Variants in GRM3 observed in about 807,000 individuals in gnomAD.
The protein encoded by GRM3 is glutamate metabotropic receptor 3.
A neutral mutation model predicts 70.5 loss-of-function variants in GRM3; 26 were observed. The observed-to-expected ratio is 0.37, with a 90% CI of 0.27 to 0.51. The LOEUF (loss-of-function observed/expected upper bound fraction) is 0.51, where lower values mean the gene tolerates loss of function less well. Ranked by LOEUF, GRM3 falls within the 20% of genes least tolerant of loss-of-function variation. The pLI is 0.93. For synonymous variants in GRM3, 443 were observed against 434.9 expected (o/e 1.02, Z -0.23); for missense variants, 859 against 1,123.8 (o/e 0.76, Z 3.37).
intron 1 of GRM3, among the ~76,000 whole-genome samples, chr7:86,653,643 T>C (rs1315146034): frequency 6.6e-6 from 1 of 152,060 alleles, no homozygotes. Flanking sequence ...GATATTCTTA[T>C]TCGGAGACTT....
intron 1 of GRM3, among the ~76,000 whole-genome samples, chr7:86,721,810 AGG>A (rs1388430534): frequency 6.6e-6 from 1 of 152,120 alleles, no homozygotes; most frequent in Admixed American, 6.5e-5. Flanking sequence ...CAGCATTGGG[AGG>A]CACTTTGTAG....
intron 3 of GRM3, among the ~76,000 whole-genome samples, chr7:86,837,049 G>C (rs1798470211): frequency 6.6e-6 from 1 of 152,152 alleles, no homozygotes; most frequent in Admixed American, 6.5e-5. Context: ...GGAGGTGGAG[G>C]TTGGTAAAGT....
At chr7:86,861,825 T>C (rs1798965543) in intron 5 of GRM3, among the ~76,000 whole-genome samples, 1 of 152,222 alleles carries the variant, frequency 6.6e-6, no homozygotes, top group Non-Finnish European at 1.5e-5. Context: ...AGGTGACTTG[T>C]ATTTTAAAAT....
chr7:86,734,096 G>C (rs895450879), intron 1 of GRM3, among the ~76,000 whole-genome samples: 1 of 152,164 alleles, frequency 6.6e-6, no homozygotes, highest in African/African-American at 2.4e-5. Context: ...AAGAAAGTAG[G>C]GGGGAGAAAA....
chr7:86,792,362 C>T (rs532972338), intron 3 of GRM3, among the ~76,000 whole-genome samples: 1 of 152,126 alleles, frequency 6.6e-6, no homozygotes, highest in African/African-American at 2.4e-5. Flanking sequence ...TGGAGTATAC[C>T]CAATTTGAAG....
At chr7:86,714,582 A>G (rs759642463) in intron 1 of GRM3, among the ~76,000 whole-genome samples, 5 of 152,024 alleles carry the variant, frequency 3.3e-5, no homozygotes, top group Non-Finnish European at 7.4e-5. Flanking sequence ...TAAATACTAC[A>G]CTATGCTGTT....
chr7:86,746,464 T>C (rs927576004), intron 1 of GRM3, among the ~76,000 whole-genome samples: 1 of 148,362 alleles, frequency 6.7e-6, no homozygotes, highest in Non-Finnish European at 1.5e-5. Context: ...TCCAGAAATA[T>C]TTGTCAATAC....
intron 3 of GRM3, among the ~76,000 whole-genome samples, chr7:86,794,981 C>G (rs1439654104): frequency 1.3e-5 from 2 of 151,476 alleles, no homozygotes; most frequent in Non-Finnish European, 2.9e-5. Context: ...TTCATACACA[C>G]AAAGCTGCTG....
intron 3 of GRM3, among the ~76,000 whole-genome samples, chr7:86,812,966 G>A (rs1199510759): frequency 6.6e-6 from 1 of 151,670 alleles, no homozygotes; most frequent in South Asian, 2.1e-4. Context: ...GGCCTATTTG[G>A]AGGGCACTAC....
intron 1 of GRM3, among the ~76,000 whole-genome samples, chr7:86,756,414 T>G (rs1445405481): frequency 6.6e-6 from 1 of 152,144 alleles, no homozygotes; most frequent in Non-Finnish European, 1.5e-5. Context: ...AGTCTACTAA[T>G]TGTGAAATGT....
At position 86,644,656 on chromosome 7, in the gene GRM3, G is replaced by A; in HGVS notation, c.-357G>A. On this transcript the variant is annotated 5_prime_UTR_variant, in exon 1 of 6. Transcript: ENST00000361669. ...CCAGCGTGCAGCCGGGAGGGGGCAG[G>A]GGCAGGGGGCACTGTGACAGGAAGC... The A allele has an allele frequency of 1.9e-6, 1 of 539,194 alleles. No individual in the cohort carries two copies. The highest frequency in any genetic ancestry group is 3.3e-6 in the Non-Finnish European group (1 of 303,188). 33.4% of individuals were successfully genotyped at this position (539,194 alleles called of 1,614,324 possible).
At chr7:86,693,083 T>C (rs80034481) in intron 1 of GRM3, among the ~76,000 whole-genome samples, 2,041 of 152,228 alleles carry the variant, frequency 0.013, 36 homozygotes, top group African/African-American at 0.047. Context: ...AGGTAAGTAA[T>C]GGATATTATA....
chr7:86,732,629 T>G (rs956532718), intron 1 of GRM3, among the ~76,000 whole-genome samples: 1 of 152,326 alleles, frequency 6.6e-6, no homozygotes, highest in East Asian at 1.9e-4. Context: ...ACAACAGTCC[T>G]ATAGACTAGA....
chr7:86,764,678 A>G (rs890314046), intron 1 of GRM3, among the ~76,000 whole-genome samples: 9 of 152,116 alleles, frequency 5.9e-5, no homozygotes, highest in African/African-American at 2.2e-4. Flanking sequence ...CTCAGTAGAG[A>G]GAGTACTGGA....
intron 1 of GRM3, among the ~76,000 whole-genome samples, chr7:86,673,402 T>C (rs920022581): frequency 6.6e-6 from 1 of 152,080 alleles, no homozygotes; most frequent in African/African-American, 2.4e-5. Context: ...ACACCCATTC[T>C]TTCCTCCTTC....
intron 5 of GRM3, among the ~76,000 whole-genome samples, chr7:86,853,044 C>A (rs1798782372): frequency 2.0e-5 from 3 of 152,146 alleles, no homozygotes; most frequent in Admixed American, 2.0e-4. Flanking sequence ...TTTCTAAGCA[C>A]TGTGTACACA....
At chr7:86,790,081 T>G (rs974227863) in intron 3 of GRM3, among the ~76,000 whole-genome samples, 4 of 152,164 alleles carry the variant, frequency 2.6e-5, no homozygotes, top group Non-Finnish European at 4.4e-5. Flanking sequence ...ATGCCTCTAT[T>G]TTTGCCTGCA....
chr7:86,677,870 A>G (rs935181529), intron 1 of GRM3, among the ~76,000 whole-genome samples: 65 of 152,158 alleles, frequency 4.3e-4, no homozygotes, highest in Admixed American at 3.5e-3. Context: ...GGAGCTGGTT[A>G]AAGAACCATC....
chr7:86,652,003 A>G (rs566081207), intron 1 of GRM3, among the ~76,000 whole-genome samples: 96 of 152,350 alleles, frequency 6.3e-4, no homozygotes, highest in African/African-American at 2.3e-3. Context: ...CATTTTTCAG[A>G]AAAGGTAACT....
Sources: allele counts gnomAD v4.1 joint callset (sites outside exome capture counted in the v4.1 genomes callset), GRCh38; gene constraint gnomAD v4.1.1; transcripts MANE v1.5; gene names NCBI Gene and HGNC (gene_info 2026-07-23, HGNC 2026-07-21).